GLI2: variants seen among roughly 807,000 people sequenced by gnomAD.
GLI2 encodes transcription activator GLI2.
Under a neutral mutation model 78.9 loss-of-function variants are expected in GLI2, and 22 were observed. The ratio of observed to expected loss-of-function variants is 0.28; its 90% CI spans 0.20 to 0.40. The LOEUF (loss-of-function observed/expected upper bound fraction) is 0.40, where lower values mean the gene tolerates loss of function less well. Among genes scored for constraint, GLI2 ranks in the 10% least tolerant of loss-of-function variants. The pLI is 1.00. For missense variants in GLI2, 2,097 were observed against 2,213.2 expected, an observed-to-expected ratio of 0.95 and a Z score of 1.05; for synonymous variants, 974 against 963.7, an observed-to-expected ratio of 1.01 and a Z score of -0.20.
intron 1 of GLI2, among the ~76,000 whole-genome samples, chr2:120,767,560 T>C (rs1011265500): frequency 3.3e-5 from 5 of 152,174 alleles, no homozygotes; most frequent in Non-Finnish European, 7.3e-5. Context: ...AAGAGGTAAT[T>C]GAAAAGAAAC....
rs1045135916 is a variant in GLI2, at chr2:120,737,583, G to T, written c.-31+1298G>T. ...AGCCCGGGCATCCCGCTCGGTGCGC[G>T]ACCTCTGGCACGGGCTTTGCAGCTC... On this transcript the variant is annotated intron_variant, in intron 1 of 13. Coordinates refer to ENST00000361492, the MANE Select transcript of GLI2 (RefSeq NM_001374353.1). This position sits in a 1 kb window ranked among gnomAD's most constrained non-coding sequence, Gnocchi z 4.3. Among the ~76,000 whole-genome samples the T allele has an allele frequency of 6.6e-6, 1 of 152,194 alleles. No homozygotes were observed. Among genetic ancestry groups the T allele is most frequent in the Non-Finnish European group, 1.5e-5 (1 of 68,030 alleles).
intron 2 of GLI2, among the ~76,000 whole-genome samples, chr2:120,858,559 G>T (rs1231326186): frequency 1.3e-5 from 2 of 152,230 alleles, no homozygotes; most frequent in Non-Finnish European, 2.9e-5. Context: ...CCCTGGGCAG[G>T]ATGGGGGAAG....
intron 3 of GLI2, among the ~76,000 whole-genome samples, chr2:120,939,267 G>A (rs1023807789): frequency 4.0e-5 from 6 of 151,776 alleles, no homozygotes; most frequent in East Asian, 1.9e-4. Flanking sequence ...GGGCAAGAGC[G>A]AAACTCCATC....
At chr2:120,950,928 G>A (rs1382665159) in intron 3 of GLI2, among the ~76,000 whole-genome samples, 1 of 152,254 alleles carries the variant, frequency 6.6e-6, no homozygotes, top group Non-Finnish European at 1.5e-5. Context: ...GTGCAACTGT[G>A]ACGTGTGGGC....
intron 3 of GLI2, among the ~76,000 whole-genome samples, chr2:120,938,012 C>T (rs1438877220): frequency 6.6e-6 from 1 of 152,226 alleles, no homozygotes; most frequent in Non-Finnish European, 1.5e-5. Flanking sequence ...ATCTTATCTC[C>T]TATTTCCTTA....
At chr2:120,981,126 C>G (rs1407520144) in intron 10 of GLI2, among the ~76,000 whole-genome samples, 1 of 152,200 alleles carries the variant, frequency 6.6e-6, no homozygotes, top group Admixed American at 6.5e-5. Context: ...GGTGATCCCC[C>G]TGCCTCAGCC....
chr2:120,974,394 C>A lies in GLI2; in HGVS notation c.1183-581C>A, dbSNP rs142750466. ...CAGTTTGAGAGAAAAAGACTTTGTCCTTTTTGACGGGAATTTCAGGGACCT... is the reference window on the plus strand; with the variant it reads ...CAGTTTGAGAGAAAAAGACTTTGTCATTTTTGACGGGAATTTCAGGGACCT... On this transcript the variant is annotated intron_variant, in intron 8 of 13. Coordinates refer to ENST00000361492, the MANE Select transcript of GLI2 (RefSeq NM_001374353.1). 5.3e-4 allele frequency among the ~76,000 whole-genome samples: 80 copies of A among 152,254 alleles called. No individual in the cohort carries two copies. The East Asian group carries it at 0.015, about 28-fold the overall frequency.
intron 2 of GLI2, among the ~76,000 whole-genome samples, chr2:120,881,290 G>C (rs1288352818): frequency 1.3e-5 from 2 of 152,200 alleles, no homozygotes; most frequent in Non-Finnish European, 2.9e-5. Flanking sequence ...CTTGTGAAAG[G>C]CCTGGCCCCC....
At chr2:120,752,677 A>G (rs1394521181) in intron 1 of GLI2, among the ~76,000 whole-genome samples, 1 of 152,192 alleles carries the variant, frequency 6.6e-6, no homozygotes, top group Admixed American at 6.5e-5. Flanking sequence ...TTTTCGTACC[A>G]CTGCCGTAGC....
chr2:120,808,005 G>A (rs891550724), intron 2 of GLI2, among the ~76,000 whole-genome samples: 1 of 152,194 alleles, frequency 6.6e-6, no homozygotes, highest in Non-Finnish European at 1.5e-5. Context: ...CTGTCAGAGG[G>A]CGTGGACCTC....
At chr2:120,951,055 A>G (rs1477975966) in intron 3 of GLI2, among the ~76,000 whole-genome samples, 188 bp from the exon 4 acceptor site, 2 of 152,216 alleles carry the variant, frequency 1.3e-5, no homozygotes, top group Non-Finnish European at 2.9e-5. Flanking sequence ...GCATTCACTG[A>G]CTAATGCTTG....
At chr2:120,862,361 G>A (rs1207284050) in intron 2 of GLI2, among the ~76,000 whole-genome samples, 1 of 152,198 alleles carries the variant, frequency 6.6e-6, no homozygotes, top group Non-Finnish European at 1.5e-5. Flanking sequence ...CTCCTGCTGT[G>A]TGCCAGGCAT....
chr2:120,791,071 G>C (rs914153723), intron 1 of GLI2, among the ~76,000 whole-genome samples: 1 of 152,162 alleles, frequency 6.6e-6, no homozygotes, highest in Non-Finnish European at 1.5e-5. Context: ...CATGGCCACA[G>C]ACACACAGTG....
chr2:120,966,634 G>A (rs964158465), intron 5 of GLI2, among the ~76,000 whole-genome samples: 4 of 152,248 alleles, frequency 2.6e-5, no homozygotes, highest in Non-Finnish European at 4.4e-5. Context: ...CCTCCCCAGG[G>A]ATCCCTAGGT....
chr2:120,810,551 G>A (rs916329221), intron 2 of GLI2, among the ~76,000 whole-genome samples: 2 of 152,162 alleles, frequency 1.3e-5, no homozygotes, highest in African/African-American at 2.4e-5. Context: ...CCCTGGCCCT[G>A]TGCTACCCCT....
chr2:120,893,818 A>C lies in GLI2; in HGVS notation c.149-33543A>C, dbSNP rs373625270. On this transcript the variant is annotated intron_variant, in intron 2 of 13. Transcript: ENST00000361492. ...AAGCGGATGGTTTTCTGGGTCTTCA[A>C]GTGCATTCTGCCTCCTTAGTCCAGG... Among the ~76,000 whole-genome samples the C allele has an allele frequency of 9.2e-5, 14 of 152,308 alleles. No homozygotes were observed. In the South Asian group the frequency reaches 2.3e-3, roughly 25 times the overall value.
At chr2:120,870,927 C>CA (rs1688396286) in intron 2 of GLI2, among the ~76,000 whole-genome samples, 3 of 152,172 alleles carry the variant, frequency 2.0e-5, no homozygotes, top group South Asian at 2.1e-4. Flanking sequence ...CACAGAAACT[C>CA]AAAGTTAGAT....
Position 120,986,759 on chromosome 2 carries a change from T to C in GLI2, c.2242+145T>C, listed in dbSNP as rs1333755353. On this transcript the variant is annotated intron_variant, in intron 13 of 13. Coordinates refer to ENST00000361492, the MANE Select transcript of GLI2 (RefSeq NM_001374353.1). ...CCAGTACAGAAAAGGAAACTGAGGC[T>C]CAGAGAGGTGAAATGCCTTACCCAA... The C allele has an allele frequency of 8.9e-6, 6 of 674,242 alleles. No homozygotes were observed. The African/African-American group carries it at 9.1e-5, about 10-fold the overall frequency. 41.8% of individuals were successfully genotyped at this position (674,242 alleles called of 1,614,324 possible).
At chr2:120,905,194 C>T (rs1469131407) in intron 2 of GLI2, among the ~76,000 whole-genome samples, 1 of 151,902 alleles carries the variant, frequency 6.6e-6, no homozygotes, top group Non-Finnish European at 1.5e-5. Context: ...AAAGGGGGCT[C>T]TCAGTTCCTG....
Sources: gnomAD v4.1 joint callset for allele counts (sites outside exome capture counted in the v4.1 genomes callset) on GRCh38, gnomAD v4.1.1 for gene constraint, Gnocchi (gnomAD v3.1) non-coding constraint, MANE v1.5 for transcripts, NCBI Gene and HGNC (gene_info 2026-07-23, HGNC 2026-07-21) for gene names.